CREB1: variants seen among roughly 807,000 people sequenced by gnomAD.
CREB1 encodes cyclic AMP-responsive element-binding protein 1.
Under a neutral mutation model 42.0 loss-of-function variants are expected in CREB1, and 2 were observed. The ratio of observed to expected loss-of-function variants is 0.05; its 90% CI spans 0.02 to 0.15. The LOEUF (loss-of-function observed/expected upper bound fraction) is 0.15, where lower values mean the gene tolerates loss of function less well. Among genes scored for constraint, CREB1 ranks in the 10% least tolerant of loss-of-function variants. The pLI is 1.00. For missense variants in CREB1, 199 were observed against 388.9 expected (o/e 0.51, Z 4.11); for synonymous variants, 123 against 139.9 (o/e 0.88, Z 0.85).
At chr2:207,570,090 CTG>C (rs1230189762) in intron 4 of CREB1, 87 bp from the exon 5 acceptor site, 2 of 672,362 alleles carry the variant, frequency 3.0e-6, no homozygotes, top group Non-Finnish European at 4.6e-6. Context: ...TAGCAGCTTT[CTG>C]TGAGTTTTCT....
chr2:207,560,451 A>C, intron 3 of CREB1, 79 bp downstream of exon 3: 2 of 1,384,138 alleles, frequency 1.4e-6, no homozygotes, highest in Non-Finnish European at 2.0e-6. Context: ...CTAGTTATGA[A>C]AATAAGGACA....
intron 7 of CREB1, chr2:207,582,214 TA>T (rs1465619926): frequency 4.3e-6 from 3 of 702,220 alleles, no homozygotes; most frequent in Non-Finnish European, 7.8e-6. Context: ...ACCACCACAG[TA>T]ATTAGGTGTA....
Position 207,558,755 on chromosome 2 carries a change from C to T in CREB1, c.115-1471C>T, listed in dbSNP as rs112946018. On this transcript the variant is annotated intron_variant, in intron 2 of 7. Transcript: ENST00000353267. ...TGCCCCCTGGGTTTAAGCAGTTCTG[C>T]TTCAGCCTCCCAAGTAGCTGGGATT... Among the ~76,000 whole-genome samples the T allele has an allele frequency of 8.5e-3, 1,288 of 151,666 alleles. 19 individuals carry two copies. Among genetic ancestry groups the T allele is most frequent in the African/African-American group, 0.029 (1,211 of 41,320 alleles).
At chr2:207,530,410 G>A (rs1461250228) in intron 1 of CREB1, among the ~76,000 whole-genome samples, 5 of 146,142 alleles carry the variant, frequency 3.4e-5, no homozygotes, top group Non-Finnish European at 7.6e-5. Flanking sequence ...GGCGGGCGGC[G>A]GGCGGGGTGG....
rs748021586 is a variant in CREB1, at chr2:207,597,095, T to C, written c.*37T>C. ...AATTTTCACCTGTTAAGGTGGAAAATGGACTGGCTTGGCCACAACCTGAAA... is the reference window on the plus strand; with the variant it reads ...AATTTTCACCTGTTAAGGTGGAAAACGGACTGGCTTGGCCACAACCTGAAA... On this transcript the variant is annotated 3_prime_UTR_variant, in exon 8 of 8. Transcript: ENST00000353267. The C allele has an allele frequency of 1.8e-5, 29 of 1,569,772 alleles. No homozygotes were observed. The East Asian group carries it at 5.5e-4, about 30-fold the overall frequency.
intron 3 of CREB1, among the ~76,000 whole-genome samples, chr2:207,565,165 C>G (rs116907246): frequency 1.3e-5 from 2 of 151,878 alleles, no homozygotes; most frequent in African/African-American, 2.4e-5. Context: ...TCCCCCAGAA[C>G]GGTACATTTA....
chr2:207,566,602 A>G (rs931344412), intron 3 of CREB1, among the ~76,000 whole-genome samples: 40 of 152,180 alleles, frequency 2.6e-4, no homozygotes, highest in African/African-American at 9.7e-4. Flanking sequence ...GATGCTGGTA[A>G]GGATGTCTAA....
intron 7 of CREB1, among the ~76,000 whole-genome samples, chr2:207,582,381 T>C (rs1369278636): frequency 6.6e-6 from 1 of 152,372 alleles, no homozygotes; most frequent in South Asian, 2.1e-4. Context: ...CCTTCTAATA[T>C]ATTTAACAAC....
At chr2:207,589,285 A>G (rs890808144) in intron 7 of CREB1, among the ~76,000 whole-genome samples, 1 of 152,122 alleles carries the variant, frequency 6.6e-6, no homozygotes, top group Non-Finnish European at 1.5e-5. Flanking sequence ...TAGCTTCTAG[A>G]GGCCACCCAC....
chr2:207,576,583 T>C, intron 6 of CREB1: 1 of 707,876 alleles, frequency 1.4e-6, no homozygotes, highest in Non-Finnish European at 2.2e-6. Context: ...AAAAAGATAC[T>C]ATTTTGCTTA....
chr2:207,568,737 C>CAA (rs986937037), intron 4 of CREB1, among the ~76,000 whole-genome samples: 3 of 151,918 alleles, frequency 2.0e-5, no homozygotes, highest in African/African-American at 7.3e-5. Context: ...GGGGTTTTTT[C>CAA]CCACCTTTCA....
At chr2:207,541,093 G>A (rs914135416) in intron 1 of CREB1, among the ~76,000 whole-genome samples, 10 of 151,976 alleles carry the variant, frequency 6.6e-5, no homozygotes, top group South Asian at 4.1e-4. Flanking sequence ...GGTGGCAGGC[G>A]CCCGTAATCC....
At chr2:207,590,703 A>G (rs1262885350) in intron 7 of CREB1, among the ~76,000 whole-genome samples, 2 of 152,154 alleles carry the variant, frequency 1.3e-5, no homozygotes, top group Non-Finnish European at 2.9e-5. Context: ...ATCTGTCACA[A>G]CTACTCAACT....
chr2:207,538,946 T>A (rs1396309190), intron 1 of CREB1, among the ~76,000 whole-genome samples: 2 of 152,202 alleles, frequency 1.3e-5, no homozygotes, highest in Non-Finnish European at 2.9e-5. Flanking sequence ...CTGTTATCCC[T>A]GTTGGTATAA....
chr2:207,530,001 G>A lies in CREB1; in HGVS notation c.-142G>A, dbSNP rs1221885781. 5 of 155,778 alleles carry A rather than the reference G, an allele frequency of 3.2e-5. No homozygotes were observed. The highest frequency in any genetic ancestry group is 1.4e-5 in the Non-Finnish European group (1 of 70,678). The allele number at this position is 155,778 out of a possible 1,614,324, so 9.6% of individuals were successfully genotyped here. A position where few individuals can be genotyped will look rare whatever the true frequency, so the allele number is the denominator to read the frequency against. On this transcript the variant is annotated 5_prime_UTR_variant, in exon 1 of 8. Coordinates refer to ENST00000353267, the MANE Select transcript of CREB1 (RefSeq NM_004379.5). ...GCTGCTGCCTGTGGCCCGGGCGGCT[G>A]GGAGAAGCGGAGTGTTGGTGAGTGA...
chr2:207,553,495 GATA>G (rs1436314644), intron 1 of CREB1, among the ~76,000 whole-genome samples: 1 of 150,638 alleles, frequency 6.6e-6, no homozygotes, highest in Non-Finnish European at 1.5e-5. Flanking sequence ...TTGATTATTT[GATA>G]ATAACCAGAG....
intron 1 of CREB1, among the ~76,000 whole-genome samples, chr2:207,539,289 T>C (rs2081001181): frequency 6.6e-6 from 1 of 151,388 alleles, no homozygotes; most frequent in Non-Finnish European, 1.5e-5. Flanking sequence ...CCTGACCTTA[T>C]GTGATCTGCC....
intron 5 of CREB1, among the ~76,000 whole-genome samples, chr2:207,571,025 T>TTTTTTTTTTTC (rs1472670112): frequency 1.4e-5 from 2 of 145,706 alleles, no homozygotes; most frequent in Admixed American, 6.9e-5. Flanking sequence ...TTTTTCCCTT[T>TTTTTTTTTTTC]TTTTTTTTTG....
chr2:207,597,813 A>C lies in CREB1; in HGVS notation c.*755A>C, dbSNP rs1240176091. The C allele has an allele frequency of 1.0e-5, 2 of 195,750 alleles. No individual in the cohort carries two copies. The highest frequency in any genetic ancestry group is 2.1e-5 in the Non-Finnish European group (2 of 94,318). 12.1% of individuals were successfully genotyped at this position (195,750 alleles called of 1,614,324 possible). A position where few individuals can be genotyped will look rare whatever the true frequency, so the allele number is the denominator to read the frequency against. ...CTGAACGACAAAGCATGGTATTTGA[A>C]TTTTAAATTAAAGCAAAGTAAATAA... On this transcript the variant is annotated 3_prime_UTR_variant, in exon 8 of 8. Transcript: ENST00000353267.
Sources: gnomAD v4.1 joint callset for allele counts (sites outside exome capture counted in the v4.1 genomes callset) on GRCh38, gnomAD v4.1.1 for gene constraint, MANE v1.5 for transcripts, NCBI Gene and HGNC (gene_info 2026-07-23, HGNC 2026-07-21) for gene names.